The following TAS2R1 variants were observed in gnomAD, a reference collection of about 807,000 sequenced individuals.
TAS2R1 encodes the protein taste 2 receptor member 1, also known as taste receptor type 2 member 1.
For synonymous variants in TAS2R1, 141 were observed against 134.2 expected (o/e 1.05, Z -0.35); for missense variants, 370 against 353.4 (o/e 1.05, Z -0.38).
the TAS2R1 span, chr5:9,884,007 T>C: frequency 2.0e-5 from 3 of 152,054 alleles, no homozygotes; most frequent in Non-Finnish European, 4.4e-5. Context: ...CATCTTCCCT[T>C]AGTGGAAAGG....
At chr5:9,735,140 C>G in the TAS2R1 span, among the ~76,000 whole-genome samples, 1 of 151,218 alleles carries the variant, frequency 6.6e-6, no homozygotes, top group Non-Finnish European at 1.5e-5. Context: ...ACCAGATCTC[C>G]TAAGAATTCA....
chr5:9,671,588 T>C (rs543126565), intron 1 of TAS2R1, among the ~76,000 whole-genome samples: 1 of 152,240 alleles, frequency 6.6e-6, no homozygotes, highest in Admixed American at 6.5e-5. Context: ...ACCAGGTATA[T>C]GAAAGATCTC....
chr5:9,804,837 C>T, the TAS2R1 span, among the ~76,000 whole-genome samples: 62 of 151,606 alleles, frequency 4.1e-4, no homozygotes, highest in East Asian at 5.8e-4. Context: ...CATGGAACTA[C>T]GGAAACAAGA....
chr5:9,901,812 A>T, the TAS2R1 span, among the ~76,000 whole-genome samples: 1 of 152,162 alleles, frequency 6.6e-6, no homozygotes, highest in Non-Finnish European at 1.5e-5. Flanking sequence ...CCTATGCTAG[A>T]AAAATAGCTT....
chr5:9,853,744 G>A, the TAS2R1 span, among the ~76,000 whole-genome samples: 46 of 152,184 alleles, frequency 3.0e-4, no homozygotes, highest in East Asian at 4.3e-3. Context: ...GGAGAACCAC[G>A]CAGTGGCTCC....
chr5:9,896,748 C>T, the TAS2R1 span, among the ~76,000 whole-genome samples: 3 of 152,294 alleles, frequency 2.0e-5, no homozygotes, highest in Middle Eastern at 3.4e-3. Context: ...TATTCTAAGT[C>T]CTTGCAAGGC....
the TAS2R1 span, among the ~76,000 whole-genome samples, chr5:9,835,780 A>C: frequency 4.6e-5 from 7 of 152,198 alleles, no homozygotes; most frequent in Non-Finnish European, 7.3e-5. Context: ...GGGCAAGAAG[A>C]ACCTCTCTCA....
the TAS2R1 span, among the ~76,000 whole-genome samples, chr5:9,865,798 C>T: frequency 2.0e-5 from 3 of 152,198 alleles, no homozygotes; most frequent in African/African-American, 7.2e-5. Flanking sequence ...AAGTCATCTG[C>T]CTTTTCAACA....
At chr5:9,688,758 T>C (rs1741176070) in intron 1 of TAS2R1, among the ~76,000 whole-genome samples, 1 of 152,172 alleles carries the variant, frequency 6.6e-6, no homozygotes, top group African/African-American at 2.4e-5. Context: ...ATTCCAGAGC[T>C]GCCAGCTTTA....
intron 1 of TAS2R1, among the ~76,000 whole-genome samples, chr5:9,692,245 G>A (rs1741261214): frequency 6.6e-6 from 1 of 152,190 alleles, no homozygotes; most frequent in African/African-American, 2.4e-5. Context: ...TAGTTCAGAG[G>A]CCAACTATAT....
chr5:9,864,256 T>C, the TAS2R1 span, among the ~76,000 whole-genome samples: 1 of 152,152 alleles, frequency 6.6e-6, no homozygotes, highest in African/African-American at 2.4e-5. Context: ...AGGAAAGAGA[T>C]GGAACATGTT....
chr5:9,886,791 G>A, the TAS2R1 span, among the ~76,000 whole-genome samples: 26 of 152,006 alleles, frequency 1.7e-4, no homozygotes, highest in South Asian at 8.4e-4. Context: ...ATTACCTTGG[G>A]GATAAATAAT....
At chr5:9,656,209 A>T (rs1345250291) in intron 2 of TAS2R1, among the ~76,000 whole-genome samples, 1 of 152,188 alleles carries the variant, frequency 6.6e-6, no homozygotes, top group African/African-American at 2.4e-5. Context: ...GTAATATAGC[A>T]TTTTCAAATT....
At chr5:9,638,143 C>T (rs1232696029) in intron 2 of TAS2R1, among the ~76,000 whole-genome samples, 1 of 152,092 alleles carries the variant, frequency 6.6e-6, no homozygotes, top group East Asian at 1.9e-4. Context: ...TCTTTCTTTC[C>T]CTAGGGATGG....
chr5:9,737,631 T>C, the TAS2R1 span, among the ~76,000 whole-genome samples: 2 of 152,150 alleles, frequency 1.3e-5, no homozygotes, highest in Non-Finnish European at 2.9e-5. Flanking sequence ...GGAGCTGCCT[T>C]TCCTTTTCCC....
At chr5:9,781,583 C>A in the TAS2R1 span, among the ~76,000 whole-genome samples, 2 of 152,214 alleles carry the variant, frequency 1.3e-5, no homozygotes, top group African/African-American at 4.8e-5. Context: ...AGATCTGTCC[C>A]CTTTTCCTCA....
chr5:9,710,154 G>A (rs1017530226), intron 1 of TAS2R1, among the ~76,000 whole-genome samples: 1 of 152,240 alleles, frequency 6.6e-6, no homozygotes, highest in Non-Finnish European at 1.5e-5. Context: ...CCTTTACAAA[G>A]AGCATGCCTT....
chr5:9,778,729 T>A, the TAS2R1 span, among the ~76,000 whole-genome samples: 8 of 152,242 alleles, frequency 5.3e-5, no homozygotes, highest in Admixed American at 4.6e-4. Flanking sequence ...TCTCCTGTAG[T>A]TTTCTCACCT....
chr5:9,677,227 C>T (rs1740894545), intron 1 of TAS2R1, among the ~76,000 whole-genome samples: 1 of 151,950 alleles, frequency 6.6e-6, no homozygotes. Flanking sequence ...GACACATAGA[C>T]CGGAACAACA....
Sources: gnomAD v4.1 joint callset for allele counts (sites outside exome capture counted in the v4.1 genomes callset) on GRCh38, gnomAD v4.1.1 for gene constraint, MANE v1.5 for transcripts, NCBI Gene and HGNC (gene_info 2026-07-23, HGNC 2026-07-21) for gene names.